The following ABCB10 variants were observed in gnomAD, a reference collection of about 807,000 sequenced individuals.
ABCB10 encodes ATP-binding cassette sub-family B member 10, mitochondrial.
ABCB10 carries 54 observed loss-of-function variants against 65.4 expected under a neutral mutation model. The ratio of observed to expected loss-of-function variants is 0.83; its 90% confidence interval spans 0.66 to 1.04. ABCB10 has a LOEUF of 1.04. ABCB10 is among the 50% of genes least tolerant of loss of function. ABCB10 has a pLI of 0.00. For missense variants in ABCB10, 846 were observed against 976.6 expected (o/e 0.87, Z 1.78); for synonymous variants, 418 against 406.5 (o/e 1.03, Z -0.34).
chr1:229,541,249 G>A (rs570763385), intron 4 of ABCB10, among the ~76,000 whole-genome samples: 7 of 151,816 alleles, frequency 4.6e-5, no homozygotes, highest in East Asian at 1.9e-4. Flanking sequence ...TTTCTGGAGC[G>A]GAGTTTCACT....
chr1:229,558,480 A>C lies in ABCB10; in HGVS notation c.173T>G (p.Leu58Arg). ...GCGCGCGGCTCCAACGCCCCAGAGC[A>C]GCGCGGGCCCCGCGCCCCATAGCCG... ...PARLWGAGPA[L>R]LWGVGAARRW... is the part of the protein sequence containing the mutation. Residue 58 changes from leucine to arginine, a missense_variant, in exon 1 of 13, where the codon CTG (leucine) becomes CGG (arginine). By Grantham distance (102) the Leu-to-Arg change is moderately radical. Coordinates refer to ENST00000344517, the MANE Select transcript of ABCB10 (RefSeq NM_012089.3). 1.6e-6 allele frequency: 2 copies of C among 1,282,928 alleles called. No individual in the cohort carries two copies. The highest frequency in any genetic ancestry group is 2.0e-6 in the Non-Finnish European group (2 of 1,015,642). 79.5% of individuals were successfully genotyped at this position (1,282,928 alleles called of 1,614,324 possible).
chr1:229,529,794 C>A (rs1026536736), intron 8 of ABCB10, among the ~76,000 whole-genome samples: 3 of 152,062 alleles, frequency 2.0e-5, no homozygotes, highest in African/African-American at 4.8e-5. Flanking sequence ...ATCACTCCTG[C>A]GCCCAGCACG....
chr1:229,521,739 T>C (rs1662320769), intron 10 of ABCB10, 104 bp from the exon 11 acceptor site: 1 of 1,180,228 alleles, frequency 8.5e-7, no homozygotes, highest in Non-Finnish European at 1.2e-6. Context: ...TTCTTCTAGT[T>C]AGTCATAGCT....
intron 11 of ABCB10, among the ~76,000 whole-genome samples, chr1:229,519,553 C>T (rs755977052): frequency 1.3e-5 from 2 of 152,014 alleles, no homozygotes; most frequent in African/African-American, 2.4e-5. Context: ...TTTGGGAGGC[C>T]GAGGCAGGTG....
intron 6 of ABCB10, among the ~76,000 whole-genome samples, chr1:229,532,570 T>C (rs1188899014): frequency 6.6e-6 from 1 of 150,922 alleles, no homozygotes; most frequent in Non-Finnish European, 1.5e-5. Context: ...CCTCATACAA[T>C]GTAATGCTAT....
intron 1 of ABCB10, among the ~76,000 whole-genome samples, chr1:229,554,217 T>A (rs1347957391): frequency 2.0e-5 from 3 of 152,126 alleles, no homozygotes; most frequent in Admixed American, 1.3e-4. Context: ...AGACTCGGCA[T>A]CTGCGCTGGG....
Position 229,531,681 on chromosome 1 carries a change from G to C in ABCB10, c.1390C>G (p.Arg464Gly). The change falls in exon 7 of 13, where the codon CGC (arginine) becomes GGC (glycine). Residue 464 changes from arginine (R) to glycine (G), a missense_variant. Arg to Gly is a moderately radical substitution (Grantham distance 125). This residue lies in a region of ABCB10 where 632 missense variants were observed against 803.2 expected (regional missense o/e 0.79). Transcript: ENST00000344517. Reference sequence around the variant, plus strand: ...TCTCTCTCCAGGAGCTCCCAGAGGCGCCCCCCTGCACCCAGTCCTTTCATC... The same window carrying C: ...TCTCTCTCCAGGAGCTCCCAGAGGCCCCCCCCTGCACCCAGTCCTTTCATC... ...ELMKGLGAGG[R>G]LWELLEREPK... The C allele has an allele frequency of 6.2e-7, 1 of 1,613,774 alleles. No individual in the cohort carries two copies. Among genetic ancestry groups the C allele is most frequent in the Middle Eastern group, 1.7e-4 (1 of 6,054 alleles).
chr1:229,544,416 CAAAAAA>C (rs35004821), intron 3 of ABCB10, among the ~76,000 whole-genome samples: 1 of 60,992 alleles, frequency 1.6e-5, no homozygotes, highest in African/African-American at 7.2e-5. Context: ...GACCTTCTCT[CAAAAAA>C]AAAAAAAAAA....
intron 2 of ABCB10, 147 bp from the exon 3 acceptor site, chr1:229,547,848 C>T: frequency 1.4e-6 from 1 of 715,438 alleles, no homozygotes; most frequent in Non-Finnish European, 2.4e-6. Flanking sequence ...CACTGTATCC[C>T]ATGGGTGGAA....
chr1:229,519,192 G>C (rs1328855162), intron 11 of ABCB10: 1 of 219,602 alleles, frequency 4.6e-6, no homozygotes, highest in Non-Finnish European at 8.9e-6. Flanking sequence ...TTCTAAAATT[G>C]TGATGATGGA....
At position 229,539,122 on chromosome 1, in the gene ABCB10, C is replaced by T. The variant is rs562292542; in HGVS notation, c.1339+334G>A. 6.6e-5 allele frequency among the ~76,000 whole-genome samples: 10 copies of T among 152,330 alleles called. No homozygotes were observed. The South Asian group carries it at 1.5e-3, about 22-fold the overall frequency. On this transcript the variant is annotated intron_variant, in intron 6 of 12. Coordinates refer to ENST00000344517, the MANE Select transcript of ABCB10 (RefSeq NM_012089.3). ...AGGACTATGGGTTTCTGTGTCCACA[C>T]TTGCTCAGCGCCGCCCTCCTCCTGC...
At chr1:229,530,010 C>T (rs1571961844) in intron 8 of ABCB10, among the ~76,000 whole-genome samples, 189 bp downstream of exon 8, 1 of 152,176 alleles carries the variant, frequency 6.6e-6, no homozygotes, top group African/African-American at 2.4e-5. Context: ...GCTCTAAAGG[C>T]CTCTGTATGA....
intron 1 of ABCB10, among the ~76,000 whole-genome samples, chr1:229,556,602 G>C (rs1663252344): frequency 1.3e-5 from 2 of 152,200 alleles, no homozygotes; most frequent in South Asian, 4.1e-4. Context: ...TCTGGGGACA[G>C]AGTGAGGGGT....
intron 4 of ABCB10, 120 bp from the exon 5 acceptor site, chr1:229,540,872 G>T: frequency 8.4e-7 from 1 of 1,185,312 alleles, no homozygotes; most frequent in Non-Finnish European, 1.1e-6. Flanking sequence ...AAAAGAAATA[G>T]TGATAGTAAG....
chr1:229,558,568 C>A lies in ABCB10; in HGVS notation c.85G>T (p.Val29Leu). The change falls in exon 1 of 13, where the codon GTG (valine) becomes TTG (leucine). Residue 29 changes from valine (V) to leucine (L), a missense_variant. Transcript: ENST00000344517. ...EPGRLLPVAC[V>L]WAAASRVPGS... ...GGAACGCGGCTGGCCGCGGCCCACACGCAGGCTACCGGCAGGAGCCGACCT... is the reference window on the plus strand; with the variant it reads ...GGAACGCGGCTGGCCGCGGCCCACAAGCAGGCTACCGGCAGGAGCCGACCT... 6.9e-7 allele frequency: 1 copy of A among 1,445,028 alleles called. No homozygotes were observed. Among genetic ancestry groups the A allele is most frequent in the Non-Finnish European group, 9.1e-7 (1 of 1,101,010 alleles). The allele number at this position is 1,445,028 out of a possible 1,614,324, so 89.5% of individuals were successfully genotyped here.
rs374822938 is a variant in ABCB10 at position 229,543,496 on chromosome 1, A to G, written c.922-1125T>C. Among the ~76,000 whole-genome samples, 10 of 152,360 alleles carry G rather than the reference A, an allele frequency of 6.6e-5. No individual in the cohort carries two copies. The East Asian group carries it at 7.7e-4, about 12-fold the overall frequency. On this transcript the variant is annotated intron_variant, in intron 3 of 12. Coordinates refer to ENST00000344517, the MANE Select transcript of ABCB10 (RefSeq NM_012089.3). ...CTAAGGAAAAACTGCAAACTGAAAC[A>G]TAAGTGGATGGATCAACCAATCATT...
intron 3 of ABCB10, among the ~76,000 whole-genome samples, chr1:229,546,065 G>C (rs1320449673): frequency 6.6e-6 from 1 of 151,804 alleles, no homozygotes; most frequent in Non-Finnish European, 1.5e-5. Flanking sequence ...CCAGCTACTC[G>C]GGAGGCTGAG....
In ABCB10 at chr1:229,518,918, G is replaced by A. The variant is rs1412411741; in HGVS notation, c.1951-43C>T. 5 of 1,461,032 alleles carry A rather than the reference G, an allele frequency of 3.4e-6. No homozygotes were observed. The Admixed American group carries it at 9.2e-5, about 27-fold the overall frequency. 90.5% of individuals were successfully genotyped at this position (1,461,032 alleles called of 1,614,324 possible). A position where few individuals can be genotyped will look rare whatever the true frequency, so the allele number is the denominator to read the frequency against. ...AGGAAAAGATAAAATAATTTTATTG[G>A]AAAAATACAAACTCTCAGCAATAAA... On this transcript the variant is annotated intron_variant, in intron 11 of 12. Coordinates refer to ENST00000344517, the MANE Select transcript of ABCB10 (RefSeq NM_012089.3).
chr1:229,533,709 G>A (rs573384681), intron 6 of ABCB10, among the ~76,000 whole-genome samples: 1 of 152,266 alleles, frequency 6.6e-6, no homozygotes, highest in South Asian at 2.1e-4. Context: ...TTAACAAATG[G>A]TTCTAGAACA....
Sources: gnomAD v4.1 joint callset for allele counts (sites outside exome capture counted in the v4.1 genomes callset) on GRCh38, gnomAD v4.1.1 for gene constraint, gnomAD v4.1.1 regional missense constraint, MANE v1.5 for transcripts, NCBI Gene and HGNC (gene_info 2026-07-23, HGNC 2026-07-21) for gene names.